UVRAG: variants seen among roughly 807,000 people sequenced by gnomAD.
UVRAG encodes the protein UV radiation resistance associated.
Under a neutral mutation model 78.0 loss-of-function variants are expected in UVRAG, and 19 were observed. The ratio of observed to expected loss-of-function variants is 0.24; its 90% CI spans 0.17 to 0.36. The LOEUF (loss-of-function observed/expected upper bound fraction) is 0.36. Among genes scored for constraint, UVRAG ranks in the 10% least tolerant of loss-of-function variants. UVRAG has a pLI of 1.00. For synonymous variants in UVRAG, 323 were observed against 324.6 expected (o/e 1.00, Z 0.05); for missense variants, 740 against 853.8 (o/e 0.87, Z 1.66).
intron 3 of UVRAG, among the ~76,000 whole-genome samples, chr11:75,865,525 T>C (rs1278080780): frequency 6.6e-6 from 1 of 152,168 alleles, no homozygotes; most frequent in Non-Finnish European, 1.5e-5. Context: ...AGAACTGAAT[T>C]TTAAATTTTG....
At chr11:75,954,801 A>G (rs1948763869) in intron 6 of UVRAG, among the ~76,000 whole-genome samples, 1 of 152,244 alleles carries the variant, frequency 6.6e-6, no homozygotes, top group Admixed American at 6.5e-5. Context: ...AAATAGGGTC[A>G]TGTAATATTT....
chr11:75,934,682 C>A (rs930119348), intron 6 of UVRAG, among the ~76,000 whole-genome samples: 1 of 151,990 alleles, frequency 6.6e-6, no homozygotes, highest in Non-Finnish European at 1.5e-5. Flanking sequence ...AATAATAACT[C>A]CCTAGTTACA....
chr11:75,815,802 G>A (rs1186471606), intron 1 of UVRAG, among the ~76,000 whole-genome samples: 1 of 152,158 alleles, frequency 6.6e-6, no homozygotes, highest in Non-Finnish European at 1.5e-5. Context: ...GCCCCGGCCC[G>A]AGGCCGCCTC....
chr11:75,855,506 T>C (rs972269935), intron 2 of UVRAG, among the ~76,000 whole-genome samples: 1 of 152,244 alleles, frequency 6.6e-6, no homozygotes, highest in Non-Finnish European at 1.5e-5. Context: ...AACTTTTAAC[T>C]ACCATAGGAG....
chr11:75,992,591 A>G (rs1949631004), intron 8 of UVRAG, among the ~76,000 whole-genome samples: 1 of 152,100 alleles, frequency 6.6e-6, no homozygotes, highest in Admixed American at 6.6e-5. Flanking sequence ...AGTGGGAAAG[A>G]GGGGGATGGC....
At chr11:75,931,904 C>A (rs1254465408) in intron 6 of UVRAG, among the ~76,000 whole-genome samples, 2 of 152,124 alleles carry the variant, frequency 1.3e-5, no homozygotes, top group Non-Finnish European at 2.9e-5. Context: ...TATAGGGTGA[C>A]TTTAGGAGTT....
intron 13 of UVRAG, among the ~76,000 whole-genome samples, chr11:76,105,067 T>C (rs1951946227): frequency 6.6e-6 from 1 of 152,176 alleles, no homozygotes; most frequent in Non-Finnish European, 1.5e-5. Context: ...TTAGAAGATA[T>C]TAAGATTAAT....
intron 12 of UVRAG, among the ~76,000 whole-genome samples, chr11:76,028,899 G>A (rs928873401): frequency 2.0e-5 from 3 of 152,136 alleles, no homozygotes; most frequent in Admixed American, 1.3e-4. Context: ...CTAAACAACA[G>A]ATTTTCAAGG....
At chr11:75,860,796 T>TTC (rs1946403277) in intron 2 of UVRAG, among the ~76,000 whole-genome samples, 2 of 151,748 alleles carry the variant, frequency 1.3e-5, no homozygotes, top group Middle Eastern at 6.8e-3. Flanking sequence ...TTCTTTTCTT[T>TTC]TTTTTTTTTA....
chr11:75,944,725 G>A (rs569550986), intron 6 of UVRAG, among the ~76,000 whole-genome samples: 18 of 152,220 alleles, frequency 1.2e-4, no homozygotes, highest in African/African-American at 2.2e-4. Context: ...TGATTATTGC[G>A]TAACGGAATT....
chr11:75,858,989 CTTTG>C (rs1203476273), intron 2 of UVRAG, among the ~76,000 whole-genome samples: 1 of 152,106 alleles, frequency 6.6e-6, no homozygotes, highest in African/African-American at 2.4e-5. Context: ...TCTGTGATTG[CTTTG>C]TTTCTTTCCG....
intron 8 of UVRAG, among the ~76,000 whole-genome samples, chr11:75,990,841 A>G (rs1232253003): frequency 1.3e-5 from 2 of 152,242 alleles, no homozygotes; most frequent in African/African-American, 2.4e-5. Flanking sequence ...TTCAAGGACT[A>G]CATTAAATAC....
intron 6 of UVRAG, among the ~76,000 whole-genome samples, chr11:75,947,019 C>G (rs1249363254): frequency 2.6e-5 from 4 of 152,194 alleles, no homozygotes; most frequent in African/African-American, 4.8e-5. Context: ...TGTGACTTCA[C>G]ATAGCCTTTC....
At chr11:75,836,710 A>G (rs537621619) in intron 1 of UVRAG, among the ~76,000 whole-genome samples, 11 of 152,186 alleles carry the variant, frequency 7.2e-5, no homozygotes, top group Non-Finnish European at 1.5e-4. Flanking sequence ...TGCACTTTCA[A>G]ATAGTAAGCT....
intron 7 of UVRAG, among the ~76,000 whole-genome samples, chr11:75,962,399 T>C (rs950306942): frequency 6.6e-6 from 1 of 152,092 alleles, no homozygotes; most frequent in Non-Finnish European, 1.5e-5. Context: ...GATAATCATA[T>C]AGTAGAAGTA....
chr11:76,080,260 G>A (rs932982318), intron 13 of UVRAG, among the ~76,000 whole-genome samples: 17 of 152,168 alleles, frequency 1.1e-4, no homozygotes, highest in Non-Finnish European at 2.2e-4. Context: ...TGAAGATTAG[G>A]TAGCATAGAA....
chr11:76,009,148 C>T (rs114306433), intron 11 of UVRAG, among the ~76,000 whole-genome samples: 4 of 152,070 alleles, frequency 2.6e-5, no homozygotes, highest in African/African-American at 4.8e-5. Context: ...TACAAATAAT[C>T]GCCCTTCCTT....
At chr11:76,006,277 C>T (rs1170756693) in intron 9 of UVRAG, among the ~76,000 whole-genome samples, 3 of 152,084 alleles carry the variant, frequency 2.0e-5, no homozygotes, top group Non-Finnish European at 4.4e-5. Flanking sequence ...CTCCTAAATT[C>T]CTTTTGTTCT....
At chr11:75,868,257 G>A (rs1946577326) in intron 3 of UVRAG, among the ~76,000 whole-genome samples, 1 of 152,186 alleles carries the variant, frequency 6.6e-6, no homozygotes. Context: ...ACAAGAAACA[G>A]GAAAGTAGAA....
Sources: gnomAD v4.1 joint callset for allele counts (sites outside exome capture counted in the v4.1 genomes callset) on GRCh38, gnomAD v4.1.1 for gene constraint, MANE v1.5 for transcripts, NCBI Gene and HGNC (gene_info 2026-07-23, HGNC 2026-07-21) for gene names.